SAMD12: variants seen among roughly 807,000 people sequenced by gnomAD.
SAMD12 encodes sterile alpha motif domain-containing protein 12.
A neutral mutation model predicts 15.0 loss-of-function variants in SAMD12; 9 were observed. The observed-to-expected ratio is 0.60, with a 90% CI of 0.36 to 1.05. SAMD12 has a LOEUF of 1.05. SAMD12 is among the 50% of genes least tolerant of loss of function. The pLI, the probability that SAMD12 is intolerant of heterozygous loss-of-function variation, is 0.01. For missense variants in SAMD12, 230 were observed against 234.2 expected (o/e 0.98, Z 0.12); for synonymous variants, 86 against 90.1 (o/e 0.96, Z 0.25).
chr8:118,554,304 A>C (rs1361162000), intron 2 of SAMD12, among the ~76,000 whole-genome samples: 14 of 152,034 alleles, frequency 9.2e-5, no homozygotes, highest in East Asian at 3.9e-4. Context: ...CAATGATAGA[A>C]TGGATTAAGA....
At chr8:118,518,863 C>A (rs1232722282) in intron 2 of SAMD12, among the ~76,000 whole-genome samples, 1 of 152,156 alleles carries the variant, frequency 6.6e-6, no homozygotes, top group Non-Finnish European at 1.5e-5. Flanking sequence ...CTCAATTTCC[C>A]CAGCGTCAGG....
chr8:118,619,541 T>G (rs1372707302), intron 1 of SAMD12, among the ~76,000 whole-genome samples: 2 of 151,596 alleles, frequency 1.3e-5, no homozygotes, highest in East Asian at 3.9e-4. Context: ...TTGTATCACA[T>G]TTAGGCTTCC....
intron 4 of SAMD12, among the ~76,000 whole-genome samples, chr8:118,270,342 C>A (rs1813324479): frequency 6.6e-6 from 1 of 152,148 alleles, no homozygotes; most frequent in Non-Finnish European, 1.5e-5. Context: ...AACGACTTTT[C>A]TTTCCTTTTA....
At chr8:118,309,753 G>A (rs966626464) in intron 4 of SAMD12, among the ~76,000 whole-genome samples, 1 of 152,078 alleles carries the variant, frequency 6.6e-6, no homozygotes, top group African/African-American at 2.4e-5. Flanking sequence ...ATTCCATGAA[G>A]GCCTCCCTTA....
At chr8:118,593,011 A>C (rs1359171367) in intron 1 of SAMD12, among the ~76,000 whole-genome samples, 1 of 152,200 alleles carries the variant, frequency 6.6e-6, no homozygotes, top group Non-Finnish European at 1.5e-5. Flanking sequence ...TAATATTAGC[A>C]GGCAATTTTG....
chr8:118,379,417 T>G lies in SAMD12; in HGVS notation c.606A>C (p.Ter202TyrextTer13). 1 of 1,612,676 alleles carries G rather than the reference T, an allele frequency of 6.2e-7. No individual in the cohort carries two copies. The change falls in exon 4 of 4, where the codon TAA becomes TAC. Residue 202 changes from the stop codon to tyrosine (Y), a stop_lost. Coordinates refer to ENST00000314727, the MANE Select transcript of SAMD12 (RefSeq NM_207506.3). ...AAAAAGTTTTCAAAGGGAAGTAATCTTAAATCTGTATACTATTTTCTATGA... is the reference window on the plus strand; with the variant it reads ...AAAAAGTTTTCAAAGGGAAGTAATCGTAAATCTGTATACTATTTTCTATGA... The part of the protein sequence containing the change: ...ISIIENSIQI[*>Y]
intron 4 of SAMD12, among the ~76,000 whole-genome samples, chr8:118,263,047 C>T (rs546897407): frequency 1.3e-5 from 2 of 152,166 alleles, no homozygotes; most frequent in Non-Finnish European, 2.9e-5. Flanking sequence ...ACCCACATTG[C>T]CCATTGCCCA....
intron 2 of SAMD12, among the ~76,000 whole-genome samples, chr8:118,552,795 C>T (rs1826386722): frequency 6.6e-6 from 1 of 151,984 alleles, no homozygotes; most frequent in East Asian, 1.9e-4. Flanking sequence ...TTGTCTCAGC[C>T]CAAAATCTCC....
At chr8:118,277,581 TA>T (rs1373853636) in intron 4 of SAMD12, among the ~76,000 whole-genome samples, 3,800 of 124,994 alleles carry the variant, frequency 0.03, 147 homozygotes, top group African/African-American at 0.092. Context: ...GTCTCCTGAG[TA>T]AAAAAAAAAA....
At chr8:118,350,479 C>G (rs1817906396) in intron 4 of SAMD12, among the ~76,000 whole-genome samples, 1 of 152,146 alleles carries the variant, frequency 6.6e-6, no homozygotes, top group South Asian at 2.1e-4. Flanking sequence ...CTTGTTTCTT[C>G]TCTATAAAAT....
intron 2 of SAMD12, among the ~76,000 whole-genome samples, chr8:118,572,677 C>G (rs1586828374): frequency 6.6e-6 from 1 of 152,154 alleles, no homozygotes; most frequent in East Asian, 1.9e-4. Flanking sequence ...CTCCTCTTTG[C>G]CTTCCACCAT....
At chr8:118,448,341 C>T (rs1374974041) in intron 2 of SAMD12, among the ~76,000 whole-genome samples, 2 of 152,214 alleles carry the variant, frequency 1.3e-5, no homozygotes, top group Admixed American at 6.5e-5. Flanking sequence ...ACACACTATA[C>T]AATTCTGTTA....
chr8:118,290,140 C>T (rs1486998114), intron 4 of SAMD12, among the ~76,000 whole-genome samples: 4 of 151,912 alleles, frequency 2.6e-5, no homozygotes, highest in Admixed American at 6.6e-5. Flanking sequence ...CACATAAGAC[C>T]AAAAATAAAA....
chr8:118,412,907 T>C (rs1289506204), intron 3 of SAMD12, among the ~76,000 whole-genome samples: 1 of 152,186 alleles, frequency 6.6e-6, no homozygotes, highest in Non-Finnish European at 1.5e-5. Flanking sequence ...GGGCCCTAGC[T>C]ATGTGACATG....
At chr8:118,466,721 A>T (rs1182719760) in intron 2 of SAMD12, among the ~76,000 whole-genome samples, 1 of 152,206 alleles carries the variant, frequency 6.6e-6, no homozygotes, top group Non-Finnish European at 1.5e-5. Context: ...AGAAGGATTC[A>T]TATTAATATT....
chr8:118,616,094 A>T (rs1828232577), intron 1 of SAMD12, among the ~76,000 whole-genome samples: 1 of 152,214 alleles, frequency 6.6e-6, no homozygotes, highest in Non-Finnish European at 1.5e-5. Flanking sequence ...TAAAAATAAG[A>T]AAAAAAGATC....
At chr8:118,333,566 T>A (rs937046297) in intron 4 of SAMD12, among the ~76,000 whole-genome samples, 3 of 151,804 alleles carry the variant, frequency 2.0e-5, no homozygotes, top group African/African-American at 7.3e-5. Context: ...TTTTTTTTTT[T>A]AATTTACAAG....
intron 1 of SAMD12, among the ~76,000 whole-genome samples, chr8:118,613,672 C>G (rs901020590): frequency 2.6e-5 from 4 of 152,198 alleles, no homozygotes; most frequent in African/African-American, 9.7e-5. Context: ...TTTGGCTTAA[C>G]TCAGATCTTA....
intron 4 of SAMD12, among the ~76,000 whole-genome samples, chr8:118,324,466 A>G (rs1816465792): frequency 6.6e-6 from 1 of 152,234 alleles, no homozygotes; most frequent in Non-Finnish European, 1.5e-5. Context: ...ATTCAAGGAT[A>G]TAAGTGAATT....
Sources: gnomAD v4.1 joint callset for allele counts (sites outside exome capture counted in the v4.1 genomes callset) on GRCh38, gnomAD v4.1.1 for gene constraint, MANE v1.5 for transcripts, NCBI Gene and HGNC (gene_info 2026-07-23, HGNC 2026-07-21) for gene names.